The following SV2B variants were observed in gnomAD, a reference collection of about 807,000 sequenced individuals.
SV2B encodes synaptic vesicle glycoprotein 2B, also known as solute carrier family 22 member B2.
A neutral mutation model predicts 73.9 loss-of-function variants in SV2B; 41 were observed. The ratio of observed to expected loss-of-function variants is 0.56; its 90% CI spans 0.43 to 0.72. The LOEUF (loss-of-function observed/expected upper bound fraction) is 0.72, where lower values mean the gene tolerates loss of function less well. Among genes scored for constraint, SV2B ranks in the 30% least tolerant of loss-of-function variants. The pLI, the probability that SV2B is intolerant of heterozygous loss-of-function variation, is 0.00. For synonymous variants in SV2B, 314 were observed against 314.2 expected, an observed-to-expected ratio of 1.00 and a Z score of 0.01; for missense variants, 764 against 857.8, an observed-to-expected ratio of 0.89 and a Z score of 1.37.
At chr15:91,235,763 C>T (rs1003927892) in intron 2 of SV2B, among the ~76,000 whole-genome samples, 1 of 152,182 alleles carries the variant, frequency 6.6e-6, no homozygotes, top group Non-Finnish European at 1.5e-5. Flanking sequence ...AAATTATTAA[C>T]TCCTTGTTGA....
rs143035662 is a variant in SV2B at position 91,245,494 on chromosome 15, T to C, written c.452-6325T>C. 1.4e-4 allele frequency among the ~76,000 whole-genome samples: 21 copies of C among 152,352 alleles called. No homozygotes were observed. In the East Asian group the frequency reaches 3.7e-3, roughly 27 times the overall value. ...TCTGAGTGGTGGTATGATGAATAGATTATTGCTTTACCTTTTATACATTTT... is the reference window on the plus strand; with the variant it reads ...TCTGAGTGGTGGTATGATGAATAGACTATTGCTTTACCTTTTATACATTTT... On this transcript the variant is annotated intron_variant, in intron 2 of 12. Coordinates refer to ENST00000394232, the MANE Select transcript of SV2B (RefSeq NM_001323032.3). This position sits in a 1 kb window ranked among gnomAD's most constrained non-coding sequence, Gnocchi z 4.2.
chr15:91,196,103 A>G (rs1486325288), intron 1 of SV2B, among the ~76,000 whole-genome samples: 1 of 152,256 alleles, frequency 6.6e-6, no homozygotes, highest in Non-Finnish European at 1.5e-5. Context: ...TCTTTCAAAA[A>G]TAAATCAATA....
intron 1 of SV2B, among the ~76,000 whole-genome samples, chr15:91,153,782 ACAAGGGT>A (rs1440841800): frequency 6.6e-6 from 1 of 151,114 alleles, no homozygotes; most frequent in Non-Finnish European, 1.5e-5. Flanking sequence ...CAGGCTGGAG[ACAAGGGT>A]CAAAGAATTA....
At chr15:91,170,798 T>G (rs1329863964) in intron 1 of SV2B, among the ~76,000 whole-genome samples, 1 of 152,168 alleles carries the variant, frequency 6.6e-6, no homozygotes, top group African/African-American at 2.4e-5. Flanking sequence ...TTTCCTCATC[T>G]AATGGAATAA....
intron 1 of SV2B, among the ~76,000 whole-genome samples, chr15:91,131,805 A>G (rs2042661298): frequency 6.6e-6 from 1 of 152,234 alleles, no homozygotes; most frequent in Non-Finnish European, 1.5e-5. Flanking sequence ...TCTACTAAAA[A>G]TACAAAAATT....
At chr15:91,160,256 A>G (rs1387920504) in intron 1 of SV2B, among the ~76,000 whole-genome samples, 3 of 152,234 alleles carry the variant, frequency 2.0e-5, no homozygotes, top group African/African-American at 7.2e-5. Flanking sequence ...ATGTGTGGAA[A>G]TGGCTGAGAA....
intron 1 of SV2B, among the ~76,000 whole-genome samples, chr15:91,126,788 T>G (rs570113761): frequency 6.6e-6 from 1 of 152,294 alleles, no homozygotes; most frequent in Non-Finnish European, 1.5e-5. Context: ...AGAAAAACAT[T>G]TGACAAAACC....
At position 91,268,639 on chromosome 15, in the gene SV2B, G is replaced by T. The variant is rs888989034; in HGVS notation, c.1373+34G>T. 4 of 1,597,488 alleles carry T rather than the reference G, an allele frequency of 2.5e-6. No homozygotes were observed. Among genetic ancestry groups the T allele is most frequent in the Admixed American group, 1.7e-5 (1 of 59,534 alleles). ...GTGATCACGGGCTTCCCTCACATCA[G>T]GGTGACAGTCGTGGGGACTGTTATT... On this transcript the variant is annotated intron_variant, in intron 9 of 12. Coordinates refer to ENST00000394232, the MANE Select transcript of SV2B (RefSeq NM_001323032.3). This position sits in a 1 kb window ranked among gnomAD's most constrained non-coding sequence, Gnocchi z 4.4.
intron 2 of SV2B, among the ~76,000 whole-genome samples, chr15:91,246,038 T>G (rs1177066182): frequency 7.1e-6 from 1 of 141,824 alleles, no homozygotes; most frequent in African/African-American, 2.6e-5. Context: ...TGACATTTAA[T>G]GTGGGAACTG....
intron 10 of SV2B, among the ~76,000 whole-genome samples, chr15:91,282,109 C>A (rs2048701249): frequency 6.6e-6 from 1 of 152,186 alleles, no homozygotes; most frequent in Non-Finnish European, 1.5e-5. Context: ...AAAGTTGTAG[C>A]CAAATGTCCT....
chr15:91,246,148 G>C (rs181235233), intron 2 of SV2B, among the ~76,000 whole-genome samples: 16 of 151,922 alleles, frequency 1.1e-4, no homozygotes, highest in Middle Eastern at 3.4e-3. Flanking sequence ...CTTTTTATTG[G>C]AAGCTGGCTT....
intron 1 of SV2B, among the ~76,000 whole-genome samples, chr15:91,133,333 C>T (rs1184609050): frequency 6.6e-6 from 1 of 152,004 alleles, no homozygotes; most frequent in Non-Finnish European, 1.5e-5. Flanking sequence ...ATTGAACCGC[C>T]ATCCTCCTGT....
intron 1 of SV2B, among the ~76,000 whole-genome samples, chr15:91,166,165 G>A (rs920185795): frequency 2.0e-5 from 3 of 152,060 alleles, no homozygotes; most frequent in South Asian, 2.1e-4. Context: ...TGTGAGGCTC[G>A]TGTCCTGTAG....
intron 1 of SV2B, among the ~76,000 whole-genome samples, chr15:91,172,845 C>T (rs1237745774): frequency 6.6e-6 from 1 of 152,062 alleles, no homozygotes; most frequent in Non-Finnish European, 1.5e-5. Context: ...GTATCTGGCT[C>T]ATCATAAAGG....
rs904336249 is a variant in SV2B, at chr15:91,268,863, G to A, written c.1373+258G>A. ...GTGAGGATGGAGACATTTGACTGAG[G>A]ACGGTCAGTTGGGCCATTTTTCCAA... On this transcript the variant is annotated intron_variant, in intron 9 of 12. Coordinates refer to ENST00000394232, the MANE Select transcript of SV2B (RefSeq NM_001323032.3). This position sits in a 1 kb window ranked among gnomAD's most constrained non-coding sequence, Gnocchi z 4.4. Among the ~76,000 whole-genome samples the A allele has an allele frequency of 3.3e-5, 5 of 152,144 alleles. No homozygotes were observed. The highest frequency in any genetic ancestry group is 1.3e-4 in the Admixed American group (2 of 15,274).
chr15:91,126,349 A>C (rs1419343381), intron 1 of SV2B, among the ~76,000 whole-genome samples: 4 of 152,216 alleles, frequency 2.6e-5, no homozygotes, highest in Non-Finnish European at 4.4e-5. Flanking sequence ...GGTGCTGATC[A>C]TGCCAAGATG....
In SV2B at chr15:91,283,864, T is replaced by TGACATGGTCACATATTACCTTGAC. The variant is rs1555497025; in HGVS notation, c.1508-150_1508-149insTCACATATTACCTTGACGACATGG. Among the ~76,000 whole-genome samples, 6 of 151,918 alleles carry TGACATGGTCACATATTACCTTGAC rather than the reference T, an allele frequency of 3.9e-5. No individual in the cohort carries two copies. The highest frequency in any genetic ancestry group is 1.5e-4 in the African/African-American group (6 of 41,254). ...GTTTCTCTCCTCATCCATACCTTGATGACATGGCCACATATTACCTTGACT... is the reference window on the plus strand; with the variant it reads ...GTTTCTCTCCTCATCCATACCTTGATGACATGGTCACATATTACCTTGACGACATGGCCACATATTACCTTGACT... On this transcript the variant is annotated intron_variant, in intron 10 of 12. Coordinates refer to ENST00000394232, the MANE Select transcript of SV2B (RefSeq NM_001323032.3). This position sits in a 1 kb window ranked among gnomAD's most constrained non-coding sequence, Gnocchi z 4.3.
At chr15:91,205,524 C>T (rs2045603427) in intron 1 of SV2B, among the ~76,000 whole-genome samples, 1 of 151,980 alleles carries the variant, frequency 6.6e-6, no homozygotes, top group South Asian at 2.1e-4. Flanking sequence ...CACCACCATG[C>T]CCGGCTAATA....
chr15:91,212,593 G>A (rs540758714), intron 1 of SV2B, among the ~76,000 whole-genome samples: 49 of 152,278 alleles, frequency 3.2e-4, no homozygotes, highest in Admixed American at 8.5e-4. Flanking sequence ...CTTACAGTAA[G>A]TGCTCTTTGT....
Sources: gnomAD v4.1 joint callset for allele counts (sites outside exome capture counted in the v4.1 genomes callset) on GRCh38, gnomAD v4.1.1 for gene constraint, Gnocchi (gnomAD v3.1) non-coding constraint, MANE v1.5 for transcripts, NCBI Gene and HGNC (gene_info 2026-07-23, HGNC 2026-07-21) for gene names.